FER1L5: variants seen among roughly 807,000 people sequenced by gnomAD.
The protein encoded by FER1L5 is fer-1-like protein 5.
Under a neutral mutation model 279.9 loss-of-function variants are expected in FER1L5, and 187 were observed. That is an observed-to-expected ratio of 0.67 (90% CI 0.59 to 0.75). FER1L5 has a LOEUF of 0.75. Among genes scored for constraint, FER1L5 ranks in the 30% least tolerant of loss-of-function variants. The probability of loss-of-function intolerance (pLI) is 0.00; values close to 1 mark genes in which losing one functional copy is unlikely to be tolerated. For synonymous variants in FER1L5, 921 were observed against 989.7 expected (o/e 0.93, Z 1.30); for missense variants, 2,091 against 2,594.4 (o/e 0.81, Z 4.21).
intron 35 of FER1L5, 38 bp from the exon 36 acceptor site, chr2:96,695,704 G>T (rs1469926944): frequency 6.2e-7 from 1 of 1,608,062 alleles, no homozygotes; most frequent in South Asian, 1.1e-5. Flanking sequence ...CTCTTCTTCT[G>T]TGGGTCTCAC....
intron 2 of FER1L5, among the ~76,000 whole-genome samples, chr2:96,646,687 A>G (rs1265343134): frequency 6.6e-6 from 1 of 152,142 alleles, no homozygotes; most frequent in African/African-American, 2.4e-5. Flanking sequence ...AGGATGGACC[A>G]TGGTATGGCC....
At chr2:96,666,591 C>T (rs2076135503) in intron 14 of FER1L5, among the ~76,000 whole-genome samples, 1 of 152,172 alleles carries the variant, frequency 6.6e-6, no homozygotes, top group Middle Eastern at 3.4e-3. Context: ...TTTGGGGTCC[C>T]ACTCTGGCCT....
chr2:96,701,879 G>A, intron 45 of FER1L5, 76 bp from the exon 46 acceptor site: 1 of 1,445,750 alleles, frequency 6.9e-7, no homozygotes, highest in East Asian at 2.3e-5. Context: ...TCAGAACCTG[G>A]GACAGGGAAC....
At chr2:96,664,558 G>A (rs1223298136) in intron 14 of FER1L5, among the ~76,000 whole-genome samples, 1 of 152,104 alleles carries the variant, frequency 6.6e-6, no homozygotes, top group Non-Finnish European at 1.5e-5. Flanking sequence ...ATATTCCATT[G>A]TATGGATGTA....
chr2:96,650,388 G>A, intron 6 of FER1L5, 99 bp downstream of exon 6: 1 of 993,214 alleles, frequency 1.0e-6, no homozygotes, highest in Non-Finnish European at 1.5e-6. Flanking sequence ...CATGGTAGAA[G>A]GGCAGAGCTT....
chr2:96,670,055 A>G (rs2076266901), intron 17 of FER1L5, 64 bp from the exon 18 acceptor site: 1 of 1,545,304 alleles, frequency 6.5e-7, no homozygotes, highest in African/African-American at 1.4e-5. Context: ...CAGGGGTTTC[A>G]AAGGAGATTG....
intron 14 of FER1L5, among the ~76,000 whole-genome samples, chr2:96,665,854 G>A (rs1002683509): frequency 1.3e-5 from 2 of 152,068 alleles, no homozygotes; most frequent in African/African-American, 4.8e-5. Flanking sequence ...CTACAGTGCT[G>A]GGATTACAGG....
intron 18 of FER1L5, 59 bp from the exon 19 acceptor site, chr2:96,673,018 T>C: frequency 6.7e-7 from 1 of 1,503,012 alleles, no homozygotes; most frequent in South Asian, 1.3e-5. Context: ...TCCCTGCCTG[T>C]CAATATAACC....
chr2:96,702,460 G>A lies in FER1L5; in HGVS notation c.5255+59G>A. ...CTCAGTTCCCCAGTTCTGTCATCCTGCTGGCACGGCCCAGTCCTGAATGGG... is the reference window on the plus strand; with the variant it reads ...CTCAGTTCCCCAGTTCTGTCATCCTACTGGCACGGCCCAGTCCTGAATGGG... On this transcript the variant is annotated intron_variant, in intron 47 of 52. Coordinates refer to ENST00000624922, the MANE Select transcript of FER1L5 (RefSeq NM_001293083.2). This position sits in a 1 kb window ranked among gnomAD's most constrained non-coding sequence, Gnocchi z 4.0. 1 of 1,566,230 alleles carries A rather than the reference G, an allele frequency of 6.4e-7. No homozygotes were observed. Among genetic ancestry groups the A allele is most frequent in the Non-Finnish European group, 8.6e-7 (1 of 1,156,132 alleles).
intron 34 of FER1L5, chr2:96,695,094 A>C: frequency 5.9e-6 from 1 of 169,922 alleles, no homozygotes. Flanking sequence ...TCAATGAGCT[A>C]GACGGCACAG....
Position 96,701,947 on chromosome 2 carries a change from G to C in FER1L5, c.5071-8G>C. On this transcript the variant is annotated splice_polypyrimidine_tract_variant and splice_region_variant and intron_variant, in intron 45 of 52. Coordinates refer to ENST00000624922, the MANE Select transcript of FER1L5 (RefSeq NM_001293083.2). ...AACCCCCAACCAGTCAATGTATCCC[G>C]GCTCTAGGGAAAGGTGCAAATGTGG... The C allele has an allele frequency of 6.2e-7, 1 of 1,613,802 alleles. No individual in the cohort carries two copies. Among genetic ancestry groups the C allele is most frequent in the Non-Finnish European group, 8.5e-7 (1 of 1,179,788 alleles).
At chr2:96,643,782 AG>A (rs1302119420) in intron 1 of FER1L5, among the ~76,000 whole-genome samples, 8 of 151,772 alleles carry the variant, frequency 5.3e-5, no homozygotes. Context: ...AGGAAGGGAA[AG>A]AAAGGGGAGA....
rs968411576 is a variant in FER1L5, at chr2:96,702,769, C to T, written c.5397+28C>T. ...AACAGGCCTGGGGCGTGAGGGGCAA[C>T]AGGCCACAACAAACAGACCCAGGCT... On this transcript the variant is annotated intron_variant, in intron 48 of 52. Coordinates refer to ENST00000624922, the MANE Select transcript of FER1L5 (RefSeq NM_001293083.2). The surrounding 1 kb of genome is among the most constrained non-coding windows in gnomAD (Gnocchi z 4.0). 10 of 1,609,640 alleles carry T rather than the reference C, an allele frequency of 6.2e-6. No homozygotes were observed. Among genetic ancestry groups the T allele is most frequent in the Non-Finnish European group, 8.5e-6 (10 of 1,178,402 alleles).
At chr2:96,695,279 T>C (rs2077324926) in intron 34 of FER1L5, 4 of 543,968 alleles carry the variant, frequency 7.4e-6, no homozygotes, top group Non-Finnish European at 1.2e-5. Context: ...GTCACCTCCC[T>C]CATGGGTTGG....
intron 23 of FER1L5, 39 bp from the exon 24 acceptor site, chr2:96,687,777 G>GT (rs1477071539): frequency 6.5e-7 from 1 of 1,548,308 alleles, no homozygotes; most frequent in African/African-American, 1.4e-5. Flanking sequence ...CGTTCAGGGT[G>GT]TTTAGTGCCC....
In FER1L5 at chr2:96,704,243, C is replaced by T. The variant is rs377065295; in HGVS notation, c.5830C>T (p.Arg1944Trp). ...CACCAACACCTCTTTCACGTGGCTG[C>T]GGTCACCAGTTCAAAACTTCTGCTA... is the stretch of plus-strand genomic sequence containing the variant. ...LRTNTSFTWL[R>W]SPVQNFCYIF... The change falls in exon 52 of 53, where the codon CGG becomes TGG. Residue 1944 changes from arginine (R) to tryptophan (W), a missense_variant. Transcript: ENST00000624922. The T allele has an allele frequency of 1.3e-5, 21 of 1,614,008 alleles. 1 individual carries two copies. Among genetic ancestry groups the T allele is most frequent in the South Asian group, 8.8e-5 (8 of 91,088 alleles).
rs2077292942 is a variant in FER1L5, at chr2:96,694,632, G to A, written c.3741+168G>A. On this transcript the variant is annotated intron_variant, in intron 34 of 52. Coordinates refer to ENST00000624922, the MANE Select transcript of FER1L5 (RefSeq NM_001293083.2). The surrounding 1 kb of genome is among the most constrained non-coding windows in gnomAD (Gnocchi z 4.6). ...AGGAGAGAAACGAAGAGGTTCTGGT[G>A]TAACACTGGAAATCATTTTACCACA... The A allele has an allele frequency of 3.8e-6, 2 of 523,486 alleles. No homozygotes were observed. Among genetic ancestry groups the A allele is most frequent in the Non-Finnish European group, 6.5e-6 (2 of 305,720 alleles). The allele number at this position is 523,486 out of a possible 1,614,324, so 32.4% of individuals were successfully genotyped here.
rs868052013 is a variant in FER1L5, at chr2:96,691,080, C to T, written c.2744-110C>T. 4.0e-4 allele frequency: 539 copies of T among 1,344,172 alleles called. 2 individuals carry two copies. The African/African-American group carries it at 6.9e-3, about 17-fold the overall frequency. The allele number at this position is 1,344,172 out of a possible 1,614,324, so 83.3% of individuals were successfully genotyped here. Reference sequence around the variant, plus strand: ...CCTTTCCACACCTCAGGGCCAGAGACCTGGATGTGAGGGAAGTAATGCCCC... The same window carrying T: ...CCTTTCCACACCTCAGGGCCAGAGATCTGGATGTGAGGGAAGTAATGCCCC... On this transcript the variant is annotated intron_variant, in intron 27 of 52. Transcript: ENST00000624922. The surrounding 1 kb of genome is among the most constrained non-coding windows in gnomAD (Gnocchi z 6.0).
chr2:96,669,657 C>G (rs1480779951), intron 17 of FER1L5, among the ~76,000 whole-genome samples: 1 of 152,180 alleles, frequency 6.6e-6, no homozygotes, highest in Non-Finnish European at 1.5e-5. Flanking sequence ...TCCTCACTCT[C>G]CTTCCCCCCT....
Sources: gnomAD v4.1 joint callset for allele counts (sites outside exome capture counted in the v4.1 genomes callset) on GRCh38, gnomAD v4.1.1 for gene constraint, Gnocchi (gnomAD v3.1) non-coding constraint, MANE v1.5 for transcripts, NCBI Gene and HGNC (gene_info 2026-07-23, HGNC 2026-07-21) for gene names.